The following ADGRE3 variants were observed in gnomAD, a reference collection of about 807,000 sequenced individuals.
The protein encoded by ADGRE3 is adhesion G protein-coupled receptor E3, also known as EGF-like module receptor 3.
ADGRE3 carries 88 observed loss-of-function variants against 80.1 expected under a neutral mutation model. That is an observed-to-expected ratio of 1.10 (90% CI 0.93 to 1.31). The LOEUF (loss-of-function observed/expected upper bound fraction) is 1.31. ADGRE3 is among the 40% of genes most tolerant of loss of function. The probability of loss-of-function intolerance (pLI) is 0.00; values close to 1 mark genes in which losing one functional copy is unlikely to be tolerated. For missense variants in ADGRE3, 715 were observed against 776.5 expected (o/e 0.92, Z 0.94); for synonymous variants, 281 against 294.8 (o/e 0.95, Z 0.48).
chr19:14,636,954 C>T (rs765576006), intron 11 of ADGRE3, among the ~76,000 whole-genome samples: 2 of 151,912 alleles, frequency 1.3e-5, no homozygotes, highest in Non-Finnish European at 2.9e-5. Flanking sequence ...ATTAGCTGGG[C>T]GTGGTTGTGG....
chr19:14,661,352 C>T (rs1456127829), intron 4 of ADGRE3, among the ~76,000 whole-genome samples: 1 of 152,194 alleles, frequency 6.6e-6, no homozygotes, highest in East Asian at 1.9e-4. Context: ...CTAGGAGATG[C>T]ACCCTGGGGG....
downstream of ADGRE3, among the ~76,000 whole-genome samples, chr19:14,618,148 T>A (rs1340003270): frequency 1.3e-5 from 2 of 152,202 alleles, no homozygotes; most frequent in African/African-American, 4.8e-5. Flanking sequence ...ATATTTATCA[T>A]GTACAACAGG....
At chr19:14,639,744 TGAG>T (rs1283872583) in intron 10 of ADGRE3, among the ~76,000 whole-genome samples, 19 of 152,130 alleles carry the variant, frequency 1.2e-4, no homozygotes, top group Admixed American at 1.2e-3. Flanking sequence ...TGAAGGCAGT[TGAG>T]AAGAAGCAGA....
At chr19:14,669,537 G>A (rs1189020735) in intron 1 of ADGRE3, among the ~76,000 whole-genome samples, 1 of 151,960 alleles carries the variant, frequency 6.6e-6, no homozygotes, top group Admixed American at 6.6e-5. Flanking sequence ...CACTCAGGCG[G>A]GAGTGCAGTG....
chr19:14,637,511 A>T (rs1971124732), intron 11 of ADGRE3, among the ~76,000 whole-genome samples: 1 of 149,682 alleles, frequency 6.7e-6, no homozygotes, highest in Non-Finnish European at 1.5e-5. Flanking sequence ...CTTCCATCTC[A>T]GCTTCTTGAG....
intron 2 of ADGRE3, among the ~76,000 whole-genome samples, chr19:14,664,158 C>A (rs1257318896): frequency 6.6e-6 from 1 of 152,034 alleles, no homozygotes; most frequent in Non-Finnish European, 1.5e-5. Context: ...CAAAAATTAG[C>A]CGGGTGTGGT....
At chr19:14,667,649 T>C (rs988543788) in intron 2 of ADGRE3, among the ~76,000 whole-genome samples, 1 of 151,782 alleles carries the variant, frequency 6.6e-6, no homozygotes, top group African/African-American at 2.4e-5. Context: ...ACGAGAACAT[T>C]TGGACACAGG....
At chr19:14,647,493 T>G in intron 7 of ADGRE3, 128 bp from the exon 8 acceptor site, 1 of 680,620 alleles carries the variant, frequency 1.5e-6, no homozygotes, top group South Asian at 2.1e-5. Flanking sequence ...CTTGGCTCAC[T>G]GCAACCTCCG....
Position 14,659,822 on chromosome 19 carries a change from G to GAAAAAAAAAAAAAAA in ADGRE3, c.356-1287_356-1273dup, listed in dbSNP as rs66908687. 3.4e-3 allele frequency among the ~76,000 whole-genome samples: 153 copies of GAAAAAAAAAAAAAAA among 44,810 alleles called. 26 individuals carry two copies. Among genetic ancestry groups the GAAAAAAAAAAAAAAA allele is most frequent in the Non-Finnish European group, 4.3e-3 (111 of 25,622 alleles). The allele number at this position is 44,810 out of a possible 152,430, so 29.4% of individuals were successfully genotyped here. ...GGAGACAGAGCGAGACTCTGCCTCT[G>GAAAAAAAAAAAAAAA]AAAAAAAAAAAAAAAAAAAAAAAAA... On this transcript the variant is annotated intron_variant, in intron 4 of 15. Coordinates refer to ENST00000253673, the MANE Select transcript of ADGRE3 (RefSeq NM_032571.5).
At chr19:14,658,488 G>C (rs758659913) in intron 5 of ADGRE3, 25 bp downstream of exon 5, 2 of 1,537,562 alleles carry the variant, frequency 1.3e-6, no homozygotes, top group Admixed American at 3.8e-5. Flanking sequence ...ACCTGGGAAG[G>C]GTCTGGGGAT....
At position 14,636,042 on chromosome 19, in the gene ADGRE3, TTCC is replaced by T. The variant is rs1971038972; in HGVS notation, c.1484+2060_1484+2062del. On this transcript the variant is annotated intron_variant, in intron 11 of 15. Coordinates refer to ENST00000253673, the MANE Select transcript of ADGRE3 (RefSeq NM_032571.5). ...CTTCCTTCCTTCCTTCCTTCCTTCC[TTCC>T]TTCCTTCCTTCCTTCCTTTCCTTTC... Among the ~76,000 whole-genome samples the T allele has an allele frequency of 1.1e-3, 81 of 72,914 alleles. 1 individual carries two copies. The highest frequency in any genetic ancestry group is 2.0e-3 in the Non-Finnish European group (63 of 31,096). The allele number at this position is 72,914 out of a possible 152,430, so 47.8% of individuals were successfully genotyped here. A position where few individuals can be genotyped will look rare whatever the true frequency, so the allele number is the denominator to read the frequency against.
At chr19:14,623,861 T>C (rs542196719) in intron 15 of ADGRE3, among the ~76,000 whole-genome samples, 1 of 152,278 alleles carries the variant, frequency 6.6e-6, no homozygotes, top group South Asian at 2.1e-4. Context: ...TTAAGTGCTG[T>C]TAGTGAGCAG....
the ADGRE3 span, chr19:14,610,951 C>T: frequency 1.3e-5 from 2 of 151,918 alleles, no homozygotes; most frequent in African/African-American, 2.4e-5. Flanking sequence ...CATGTGTCAC[C>T]GTACCTGGCC....
At chr19:14,600,655 C>T in the ADGRE3 span, among the ~76,000 whole-genome samples, 20 of 151,324 alleles carry the variant, frequency 1.3e-4, no homozygotes, top group East Asian at 3.3e-3. Flanking sequence ...GATCTTGGCT[C>T]ACTGTAAGCT....
intron 14 of ADGRE3, 22 bp from the exon 15 acceptor site, chr19:14,625,621 C>A: frequency 6.6e-7 from 1 of 1,514,256 alleles, no homozygotes; most frequent in Non-Finnish European, 9.2e-7. Flanking sequence ...AAGGAAATAC[C>A]TGGATGGGTT....
chr19:14,649,510 A>ATC, intron 7 of ADGRE3, among the ~76,000 whole-genome samples: 1 of 93,932 alleles, frequency 1.1e-5, no homozygotes, highest in African/African-American at 4.3e-5. Flanking sequence ...CTCTTTTTCC[A>ATC]TCTCTCTCTC....
intron 1 of ADGRE3, among the ~76,000 whole-genome samples, chr19:14,671,231 C>T (rs376992749): frequency 6.6e-6 from 1 of 152,182 alleles, no homozygotes; most frequent in Non-Finnish European, 1.5e-5. Flanking sequence ...TTATTATTCT[C>T]TTACAGGTCT....
intron 9 of ADGRE3, 29 bp downstream of exon 9, chr19:14,644,079 G>C: frequency 7.4e-7 from 1 of 1,343,392 alleles, no homozygotes; most frequent in South Asian, 2.0e-5. Flanking sequence ...GAAAGTATTT[G>C]CTGGAAGAAT....
At chr19:14,665,644 A>C (rs1051345949) in intron 2 of ADGRE3, among the ~76,000 whole-genome samples, 8 of 151,354 alleles carry the variant, frequency 5.3e-5, no homozygotes, top group African/African-American at 1.9e-4. Flanking sequence ...CATCTGCCAA[A>C]ATGCCCAGCT....
Sources: allele counts gnomAD v4.1 joint callset (sites outside exome capture counted in the v4.1 genomes callset), GRCh38; gene constraint gnomAD v4.1.1; transcripts MANE v1.5; gene names NCBI Gene and HGNC (gene_info 2026-07-23, HGNC 2026-07-21).